Variants in DDX39B observed in about 807,000 individuals in gnomAD.
The protein encoded by DDX39B is DExD-box helicase 39B.
In DDX39B, 6 loss-of-function variants were observed where a neutral mutation model predicts 46.4. That is an observed-to-expected ratio of 0.13 (90% CI 0.07 to 0.26). The LOEUF (loss-of-function observed/expected upper bound fraction) is 0.26. Ranked by LOEUF, DDX39B falls within the 10% of genes least tolerant of loss-of-function variation. The probability of loss-of-function intolerance (pLI) is 1.00; values close to 1 mark genes in which losing one functional copy is unlikely to be tolerated. For synonymous variants in DDX39B, 174 were observed against 199.4 expected (o/e 0.87, Z 1.07); for missense variants, 185 against 553.4 (o/e 0.33, Z 6.68).
intron 4 of DDX39B, among the ~76,000 whole-genome samples, chr6:31,537,379 T>C (rs1320390071): frequency 6.6e-6 from 1 of 152,112 alleles, no homozygotes; most frequent in Non-Finnish European, 1.5e-5. Context: ...TGAGGCGAGA[T>C]TGAGCCACTG....
chr6:31,541,384 C>G, intron 1 of DDX39B: 1 of 372,638 alleles, frequency 2.7e-6, no homozygotes, highest in Non-Finnish European at 5.5e-6. Flanking sequence ...CAGGCTTTAA[C>G]AGGATCTTTA....
At chr6:31,533,597 T>TC (rs1318658691) in intron 6 of DDX39B, 1 of 152,664 alleles carries the variant, frequency 6.6e-6, no homozygotes, top group Admixed American at 6.5e-5. Flanking sequence ...AAGGTATCAG[T>TC]AAGTGGTGTT....
At position 31,538,747 on chromosome 6, in the gene DDX39B, C is replaced by T; in HGVS notation, c.432+16G>A. On this transcript the variant is annotated intron_variant, in intron 4 of 10. Transcript: ENST00000396172. ...TTGCCACACCCTCACTCTCAGGTCT[C>T]TTTACCTTGGCTTACCTTGACATTG... 1 of 1,607,920 alleles carries T rather than the reference C, an allele frequency of 6.2e-7. No individual in the cohort carries two copies. The highest frequency in any genetic ancestry group is 8.5e-7 in the Non-Finnish European group (1 of 1,177,226).
chr6:31,540,261 C>A, intron 2 of DDX39B, 61 bp downstream of exon 2: 1 of 1,549,862 alleles, frequency 6.5e-7, no homozygotes. Flanking sequence ...ACGACAAACA[C>A]ATCTTTGTAT....
intron 7 of DDX39B, 156 bp downstream of exon 7, chr6:31,532,624 A>C: frequency 1.1e-6 from 1 of 923,504 alleles, no homozygotes; most frequent in Non-Finnish European, 1.6e-6. Context: ...AGCAGCTCCC[A>C]CCTTACTCAT....
chr6:31,530,626 A>G lies in DDX39B; in HGVS notation c.1270+153T>C, dbSNP rs1470839851. The G allele has an allele frequency of 3.0e-6, 4 of 1,333,120 alleles. No individual in the cohort carries two copies. The highest frequency in any genetic ancestry group is 2.4e-5 in the East Asian group (1 of 42,368). 82.6% of individuals were successfully genotyped at this position (1,333,120 alleles called of 1,614,324 possible). On this transcript the variant is annotated intron_variant, in intron 10 of 10. Transcript: ENST00000396172. The surrounding 1 kb of genome is among the most constrained non-coding windows in gnomAD (Gnocchi z 4.5). ...ACAAGACACCCCACATAAAGGTCAGAAAAACATCCCAACACAGCATCAAAG... is the reference window on the plus strand; with the variant it reads ...ACAAGACACCCCACATAAAGGTCAGGAAAACATCCCAACACAGCATCAAAG...
intron 1 of DDX39B, 122 bp downstream of exon 1, chr6:31,541,828 C>A (rs909294212): frequency 2.9e-5 from 19 of 650,778 alleles, no homozygotes; most frequent in Non-Finnish European, 4.8e-5. Context: ...AAGGAAATAG[C>A]GAACCAACTA....
chr6:31,530,824 C>T lies in DDX39B; in HGVS notation c.1225G>A (p.Val409Ile). The T allele has an allele frequency of 6.2e-7, 1 of 1,613,528 alleles. No individual in the cohort carries two copies. The highest frequency in any genetic ancestry group is 8.5e-7 in the Non-Finnish European group (1 of 1,180,020). ...ILNDVQDRFE[V>I]NISELPDEID... ...TCATCAGGCAGCTCACTAATATTGA[C>T]CTCAAAGCGATCCTGCACATCATTG... Residue 409 changes from valine (V) to isoleucine (I), a missense_variant, in exon 10 of 11, where the codon GTC becomes ATC. Val to Ile is a conservative substitution (Grantham distance 29). Coordinates refer to ENST00000396172, the MANE Select transcript of DDX39B (RefSeq NM_004640.7). This position sits in a 1 kb window ranked among gnomAD's most constrained non-coding sequence, Gnocchi z 4.5.
intron 2 of DDX39B, 31 bp downstream of exon 2, chr6:31,540,291 A>G (rs2150345148): frequency 6.8e-6 from 11 of 1,606,138 alleles, no homozygotes; most frequent in South Asian, 2.2e-5. Context: ...AAAGAGCCCA[A>G]TGAGCACTAC....
In DDX39B at chr6:31,539,201, C is replaced by T. The variant is rs1389501969; in HGVS notation, c.285G>A (p.Lys95=). The change falls in exon 3 of 11, where the codon AAG becomes AAA. Residue 95 remains lysine (K), a synonymous_variant. Coordinates refer to ENST00000396172, the MANE Select transcript of DDX39B (RefSeq NM_004640.7). ...VLCQAKSGMG[K]TAVFVLATLQ... ...GTGTGGCCAAGACAAACACTGCTGT[C>T]TTTCCCATGCCCGACTTGGCCTGGC... The T allele has an allele frequency of 1.2e-6, 2 of 1,613,190 alleles. No homozygotes were observed. Among genetic ancestry groups the T allele is most frequent in the Non-Finnish European group, 1.7e-6 (2 of 1,180,050 alleles).
chr6:31,535,262 C>T lies in DDX39B; in HGVS notation c.735+105G>A, dbSNP rs745906288. The T allele has an allele frequency of 2.7e-6, 3 of 1,120,482 alleles. No homozygotes were observed. Among genetic ancestry groups the T allele is most frequent in the South Asian group, 2.5e-5 (2 of 80,084 alleles). The allele number at this position is 1,120,482 out of a possible 1,614,324, so 69.4% of individuals were successfully genotyped here. On this transcript the variant is annotated intron_variant, in intron 6 of 10. Coordinates refer to ENST00000396172, the MANE Select transcript of DDX39B (RefSeq NM_004640.7). This position sits in a 1 kb window ranked among gnomAD's most constrained non-coding sequence, Gnocchi z 4.6. The stretch of plus-strand genomic sequence containing the variant: ...TCATTACTCCCAGTTGGGCACAAGC[C>T]GCCTTCTTGGCACTTGAATGACAAG...
chr6:31,535,383 C>T lies in DDX39B; in HGVS notation c.719G>A (p.Arg240His). 1 of 1,613,380 alleles carries T rather than the reference C, an allele frequency of 6.2e-7. No homozygotes were observed. The highest frequency in any genetic ancestry group is 8.5e-7 in the Non-Finnish European group (1 of 1,179,984). ...TLSKEIRPVC[R>H]KFMQDPMEIF... Reference sequence around the variant, plus strand: ...GGTATTTACATCTTGCATGAACTTGCGGCAGACTGGACGGATCTCTTTGCT... The same window carrying T: ...GGTATTTACATCTTGCATGAACTTGTGGCAGACTGGACGGATCTCTTTGCT... The change falls in exon 6 of 11, where the codon CGC becomes CAC. Residue 240 changes from arginine to histidine, a missense_variant. Physicochemically the swap from Arg to His is conservative, Grantham distance 29 (BLOSUM62 0). Coordinates refer to ENST00000396172, the MANE Select transcript of DDX39B (RefSeq NM_004640.7). The surrounding 1 kb of genome is among the most constrained non-coding windows in gnomAD (Gnocchi z 4.6).
chr6:31,535,354 G>A lies in DDX39B; in HGVS notation c.735+13C>T. The A allele has an allele frequency of 4.3e-6, 7 of 1,611,110 alleles. No homozygotes were observed. The highest frequency in any genetic ancestry group is 5.9e-6 in the Non-Finnish European group (7 of 1,177,904). On this transcript the variant is annotated intron_variant, in intron 6 of 10. Coordinates refer to ENST00000396172, the MANE Select transcript of DDX39B (RefSeq NM_004640.7). This position sits in a 1 kb window ranked among gnomAD's most constrained non-coding sequence, Gnocchi z 4.6. Reference sequence around the variant, plus strand: ...GCGGGGAGTGGAGGGAGAGAAGGTAGAAGGGTATTTACATCTTGCATGAAC... The same window carrying A: ...GCGGGGAGTGGAGGGAGAGAAGGTAAAAGGGTATTTACATCTTGCATGAAC...
At position 31,535,887 on chromosome 6, in the gene DDX39B, C is replaced by T. The variant is rs986407902; in HGVS notation, c.617-402G>A. Among the ~76,000 whole-genome samples, 1 of 152,150 alleles carries T rather than the reference C, an allele frequency of 6.6e-6. No individual in the cohort carries two copies. The highest frequency in any genetic ancestry group is 2.4e-5 in the African/African-American group (1 of 41,430). On this transcript the variant is annotated intron_variant, in intron 5 of 10. Coordinates refer to ENST00000396172, the MANE Select transcript of DDX39B (RefSeq NM_004640.7). This position sits in a 1 kb window ranked among gnomAD's most constrained non-coding sequence, Gnocchi z 4.6. ...TGGATTACTTTTCTATCAAGTCAGG[C>T]AAATATGACATCCCTACCTGGAGCC...
Position 31,538,851 on chromosome 6 carries a change from G to A in DDX39B, c.344C>T (p.Ser115Phe), listed in dbSNP as rs1768072184. The A allele has an allele frequency of 1.2e-6, 2 of 1,613,794 alleles. No homozygotes were observed. Among genetic ancestry groups the A allele is most frequent in the Non-Finnish European group, 1.7e-6 (2 of 1,179,806 alleles). ...QQLEPVTGQV[S>F]VLVMCHTREL... ...CCGAGTGTGACACATCACCAGTACA[G>A]ACACCTTAGGCAGGAAGTAGACGGA... Residue 115 changes from serine to phenylalanine, a missense_variant, in exon 4 of 11, where the codon TCT (serine) becomes TTT (phenylalanine). By Grantham distance (155) the Ser-to-Phe change is radical. Around this residue, in one of 5 missense-constraint regions of DDX39B, gnomAD observed 18 missense variants for 120.1 expected, o/e 0.15. Transcript: ENST00000396172.
Position 31,538,875 on chromosome 6 carries a change from G to A in DDX39B, c.340-20C>T. ...AGACACCTTAGGCAGGAAGTAGACG[G>A]AGACATATGGTAAATGTAGCTCTTC... On this transcript the variant is annotated intron_variant, in intron 3 of 10. Coordinates refer to ENST00000396172, the MANE Select transcript of DDX39B (RefSeq NM_004640.7). The A allele has an allele frequency of 6.2e-7, 1 of 1,607,074 alleles. No individual in the cohort carries two copies. Among genetic ancestry groups the A allele is most frequent in the African/African-American group, 1.3e-5 (1 of 74,820 alleles).
intron 4 of DDX39B, among the ~76,000 whole-genome samples, chr6:31,537,966 C>T (rs950592188): frequency 1.3e-5 from 2 of 151,946 alleles, no homozygotes; most frequent in African/African-American, 4.8e-5. Context: ...ACGTGGGAGG[C>T]GCAGGTTGCA....
chr6:31,540,665 C>G lies in DDX39B; in HGVS notation c.-132-1G>C. ...AAAGATACTATTTCTAACAGAAGAGCTGGAGGGGGGAAAAAAAAAAGCAAG... is the reference window on the plus strand; with the variant it reads ...AAAGATACTATTTCTAACAGAAGAGGTGGAGGGGGGAAAAAAAAAAGCAAG... On this transcript the variant is annotated splice_acceptor_variant, in intron 1 of 10. Transcript: ENST00000396172. LOFTEE classifies it low-confidence loss of function (5UTR_SPLICE). 1 of 744,198 alleles carries G rather than the reference C, an allele frequency of 1.3e-6. No individual in the cohort carries two copies. Among genetic ancestry groups the G allele is most frequent in the South Asian group, 1.8e-5 (1 of 54,606 alleles). The allele number at this position is 744,198 out of a possible 1,614,324, so 46.1% of individuals were successfully genotyped here.
At chr6:31,541,034 A>T (rs544170414) in intron 1 of DDX39B, 1 of 508,620 alleles carries the variant, frequency 2.0e-6, no homozygotes, top group Non-Finnish European at 4.0e-6. Flanking sequence ...TAGAGTCCTG[A>T]AAAGTCCTCA....
Sources: gnomAD v4.1 joint callset for allele counts (sites outside exome capture counted in the v4.1 genomes callset) on GRCh38, gnomAD v4.1.1 for gene constraint, gnomAD v4.1.1 regional missense constraint, Gnocchi (gnomAD v3.1) non-coding constraint, MANE v1.5 for transcripts, NCBI Gene and HGNC (gene_info 2026-07-23, HGNC 2026-07-21) for gene names.